Variants in PPP3CB observed in about 807,000 individuals in gnomAD.
PPP3CB encodes the protein protein phosphatase 3 catalytic subunit beta.
Under a neutral mutation model 66.4 loss-of-function variants are expected in PPP3CB, and 8 were observed. That is an observed-to-expected ratio of 0.12 (90% confidence interval 0.07 to 0.22). The LOEUF is 0.22. Ranked by LOEUF, PPP3CB falls within the 10% of genes least tolerant of loss-of-function variation. The pLI is 1.00. For missense variants in PPP3CB, 319 were observed against 642.5 expected (o/e 0.50, Z 5.44); for synonymous variants, 208 against 221.2 (o/e 0.94, Z 0.53).
chr10:73,474,834 C>T, intron 4 of PPP3CB, 85 bp downstream of exon 4: 1 of 1,531,168 alleles, frequency 6.5e-7, no homozygotes, highest in Non-Finnish European at 8.8e-7. Flanking sequence ...ACATGTTGCA[C>T]TGTAAAGTCT....
intron 9 of PPP3CB, among the ~76,000 whole-genome samples, chr10:73,459,209 C>T (rs1467649469): frequency 6.6e-6 from 1 of 152,166 alleles, no homozygotes; most frequent in East Asian, 1.9e-4. Flanking sequence ...AAAACATAGG[C>T]CGGGCATGGT....
rs1397191035 is a variant in PPP3CB at position 73,446,112 on chromosome 10, T to C, written c.1268+380A>G. ...TGCTTGTTGCTTTTTTTCTTTCTTT[T>C]TTTTTTTTTTTAGACAGAGCCTTGC... is the stretch of plus-strand genomic sequence containing the variant. On this transcript the variant is annotated intron_variant, in intron 11 of 13. Transcript: ENST00000360663. 4.0e-5 allele frequency among the ~76,000 whole-genome samples: 6 copies of C among 151,118 alleles called. No individual in the cohort carries two copies. The East Asian group carries it at 5.8e-4, about 15-fold the overall frequency.
At chr10:73,483,059 T>C (rs2056908419) in intron 1 of PPP3CB, among the ~76,000 whole-genome samples, 1 of 152,206 alleles carries the variant, frequency 6.6e-6, no homozygotes, top group South Asian at 2.1e-4. Flanking sequence ...GTACTGCATG[T>C]TTTCACGCAC....
At chr10:73,457,737 CAAAA>C (rs200840556) in intron 9 of PPP3CB, among the ~76,000 whole-genome samples, 10 of 87,818 alleles carry the variant, frequency 1.1e-4, no homozygotes, top group Admixed American at 2.5e-4. Context: ...GACCCTGTCT[CAAAA>C]AAAAAAAAAA....
intron 1 of PPP3CB, among the ~76,000 whole-genome samples, chr10:73,487,450 A>G (rs182376961): frequency 2.0e-5 from 3 of 149,900 alleles, no homozygotes; most frequent in African/African-American, 7.3e-5. Context: ...TGGGAGGCTG[A>G]GGCAGGAGAG....
intron 3 of PPP3CB, chr10:73,477,063 C>A: frequency 2.1e-6 from 1 of 471,206 alleles, no homozygotes; most frequent in Non-Finnish European, 4.2e-6. Flanking sequence ...CATTGCCTGG[C>A]TATGCTGTTT....
chr10:73,473,920 AACAGG>A (rs1263007195), intron 4 of PPP3CB, among the ~76,000 whole-genome samples: 2 of 152,242 alleles, frequency 1.3e-5, no homozygotes, highest in Non-Finnish European at 2.9e-5. Context: ...CTGCAATGGT[AACAGG>A]ATAAACAATT....
intron 1 of PPP3CB, among the ~76,000 whole-genome samples, chr10:73,479,836 T>C (rs905894011): frequency 6.6e-6 from 1 of 152,210 alleles, no homozygotes; most frequent in Non-Finnish European, 1.5e-5. Context: ...ATTATAGTAT[T>C]AGATATTCTT....
At chr10:73,467,788 C>G in intron 8 of PPP3CB, 110 bp from the exon 9 acceptor site, 2 of 1,035,192 alleles carry the variant, frequency 1.9e-6, no homozygotes. Flanking sequence ...GAAGGGAGAT[C>G]GGGGGTGAGT....
intron 1 of PPP3CB, among the ~76,000 whole-genome samples, chr10:73,481,288 A>G (rs1333430229): frequency 1.3e-5 from 2 of 151,254 alleles, no homozygotes; most frequent in African/African-American, 4.9e-5. Flanking sequence ...CCTGGCCAAC[A>G]TGGTGAAACC....
At chr10:73,472,899 T>C (rs1413091574) in intron 4 of PPP3CB, among the ~76,000 whole-genome samples, 1 of 152,228 alleles carries the variant, frequency 6.6e-6, no homozygotes, top group Non-Finnish European at 1.5e-5. Flanking sequence ...TTTACAACTT[T>C]AAATTCCTAT....
At chr10:73,451,410 T>G (rs978900624) in intron 10 of PPP3CB, among the ~76,000 whole-genome samples, 10 of 152,018 alleles carry the variant, frequency 6.6e-5, no homozygotes, top group African/African-American at 2.4e-4. Flanking sequence ...GTTGTAATAG[T>G]AATAAGAACA....
At chr10:73,490,901 C>G (rs965159118) in intron 1 of PPP3CB, among the ~76,000 whole-genome samples, 1 of 151,948 alleles carries the variant, frequency 6.6e-6, no homozygotes, top group African/African-American at 2.4e-5. Context: ...GGCACAATCT[C>G]GGCTCACTGC....
chr10:73,486,760 T>C (rs1482708235), intron 1 of PPP3CB, among the ~76,000 whole-genome samples: 3 of 152,224 alleles, frequency 2.0e-5, no homozygotes, highest in Non-Finnish European at 1.5e-5. Context: ...GGCTTCAGCA[T>C]TCTCTTAGCT....
chr10:73,484,720 CT>C (rs1244715892), intron 1 of PPP3CB, among the ~76,000 whole-genome samples: 1 of 152,014 alleles, frequency 6.6e-6, no homozygotes, highest in Non-Finnish European at 1.5e-5. Flanking sequence ...TAGTCAACAA[CT>C]GAAATGGCTA....
chr10:73,480,722 C>T (rs541794438), intron 1 of PPP3CB, among the ~76,000 whole-genome samples: 4 of 152,212 alleles, frequency 2.6e-5, no homozygotes, highest in African/African-American at 7.2e-5. Flanking sequence ...TGGGATTACA[C>T]GCATGAGCCA....
chr10:73,473,512 G>A (rs958933352), intron 4 of PPP3CB, among the ~76,000 whole-genome samples: 2 of 152,036 alleles, frequency 1.3e-5, no homozygotes, highest in African/African-American at 4.8e-5. Flanking sequence ...AAAATTAGCA[G>A]GACGTGGTGG....
chr10:73,480,440 A>AT (rs57553384), intron 1 of PPP3CB, among the ~76,000 whole-genome samples: 8,709 of 123,884 alleles, frequency 0.07, 554 homozygotes, highest in East Asian at 0.26. Context: ...TATCCCTGTA[A>AT]TTTTTTTTTT....
chr10:73,457,260 G>GAAAAA lies in PPP3CB; in HGVS notation c.1109-2776_1109-2772dup, dbSNP rs35129439. Among the ~76,000 whole-genome samples the GAAAAA allele has an allele frequency of 1.5e-3, 102 of 69,026 alleles. 2 individuals carry two copies. The highest frequency in any genetic ancestry group is 2.9e-3 in the African/African-American group (53 of 18,420). 45.3% of individuals were successfully genotyped at this position (69,026 alleles called of 152,430 possible). ...ACACAAAGATCCCATCTCTAAAAAA[G>GAAAAA]AAAAAAAAAAAAAAAAAAAAAAAAA... On this transcript the variant is annotated intron_variant, in intron 9 of 13. Coordinates refer to ENST00000360663, the MANE Select transcript of PPP3CB (RefSeq NM_021132.4).
Sources: allele counts gnomAD v4.1 joint callset (sites outside exome capture counted in the v4.1 genomes callset), GRCh38; gene constraint gnomAD v4.1.1; transcripts MANE v1.5; gene names NCBI Gene and HGNC (gene_info 2026-07-23, HGNC 2026-07-21).